The following GABRA3 variants were observed in gnomAD, a reference collection of about 807,000 sequenced individuals.
GABRA3 encodes the protein gamma-aminobutyric acid receptor subunit alpha-3.
In GABRA3, 10 loss-of-function variants were observed where a neutral mutation model predicts 30.1. The observed-to-expected ratio is 0.33, with a 90% CI of 0.20 to 0.56. The LOEUF is 0.56. Ranked by LOEUF, GABRA3 falls within the 20% of genes least tolerant of loss-of-function variation. The probability of loss-of-function intolerance (pLI) is 0.89; values close to 1 mark genes in which losing one functional copy is unlikely to be tolerated. For missense variants in GABRA3, 233 were observed against 392.0 expected (o/e 0.59, Z 3.42); for synonymous variants, 151 against 146.8 (o/e 1.03, Z -0.21).
intron 3 of GABRA3, among the ~76,000 whole-genome samples, chrX:152,318,817 C>G (rs765958147): frequency 1.2e-4 from 13 of 111,569 alleles, no homozygotes; most frequent in African/African-American, 3.9e-4. Context: ...GATTAAAACC[C>G]TCAGCAAAGT....
Position 152,190,160 on chromosome X carries a change from G to A in GABRA3, c.932-219C>T, listed in dbSNP as rs548550986. 1.5e-4 allele frequency among the ~76,000 whole-genome samples: 17 copies of A among 111,438 alleles called. No individual in the cohort carries two copies. In the South Asian group the frequency reaches 6.6e-3, roughly 43 times the overall value. On this transcript the variant is annotated intron_variant, in intron 8 of 9. Coordinates refer to ENST00000370314, the MANE Select transcript of GABRA3 (RefSeq NM_000808.4). ...TTGGCAGAAGACTATATAGGCATCT[G>A]CAATGGATTACATTTAATTGTTGTC...
At chrX:152,294,893 C>T (rs959881610) in intron 3 of GABRA3, among the ~76,000 whole-genome samples, 7 of 110,484 alleles carry the variant, frequency 6.3e-5, no homozygotes, top group South Asian at 3.9e-4. Context: ...GGTCTGTTGG[C>T]GTTTGCTCCA....
At chrX:152,257,092 TAGGC>T (rs2124415070) in intron 4 of GABRA3, among the ~76,000 whole-genome samples, 1 of 111,358 alleles carries the variant, frequency 9.0e-6, no homozygotes, top group Non-Finnish European at 1.9e-5. Context: ...TTAAAAAAAA[TAGGC>T]AGAAACAATA....
rs1377236386 is a variant in GABRA3 at position 152,270,405 on chromosome X, G to A, written c.330+14263C>T. Among the ~76,000 whole-genome samples, 4 of 111,842 alleles carry A rather than the reference G, an allele frequency of 3.6e-5. No homozygotes were observed. In the Admixed American group the frequency reaches 3.8e-4, roughly 11 times the overall value. On this transcript the variant is annotated intron_variant, in intron 4 of 9. Coordinates refer to ENST00000370314, the MANE Select transcript of GABRA3 (RefSeq NM_000808.4). ...AAACCTCTTTCCTTTATAAATTACA[G>A]TCTTAGGCAGTTCTTTATGGCAGTG...
At chrX:152,318,842 G>C in intron 3 of GABRA3, among the ~76,000 whole-genome samples, 1 of 111,580 alleles carries the variant, frequency 9.0e-6, no homozygotes, top group Middle Eastern at 4.6e-3. Flanking sequence ...ATACCTCAAT[G>C]TAATAAAAGC....
intron 3 of GABRA3, among the ~76,000 whole-genome samples, chrX:152,289,357 A>G (rs762816873): frequency 9.1e-6 from 1 of 109,522 alleles, no homozygotes; most frequent in African/African-American, 3.3e-5. Flanking sequence ...AAGAAAAAAA[A>G]ATATATATTT....
intron 3 of GABRA3, 29 bp from the exon 4 acceptor site, chrX:152,284,764 T>C (rs1483050486): frequency 1.5e-5 from 16 of 1,084,752 alleles, no homozygotes; most frequent in Non-Finnish European, 2.0e-5. Context: ...AAAAGCAGAA[T>C]GTCAGGAAAG....
intron 3 of GABRA3, among the ~76,000 whole-genome samples, chrX:152,288,829 A>G (rs1393238004): frequency 8.9e-6 from 1 of 112,128 alleles, no homozygotes; most frequent in African/African-American, 3.2e-5. Flanking sequence ...CTTTTTATAT[A>G]ATTGTTTACA....
At chrX:152,281,581 A>T (rs1160378140) in intron 4 of GABRA3, among the ~76,000 whole-genome samples, 1 of 111,086 alleles carries the variant, frequency 9.0e-6, no homozygotes, top group Non-Finnish European at 1.9e-5. Context: ...AACATCTACC[A>T]CTGTTTAGCT....
At chrX:152,386,451 G>GA (rs1929312956) in intron 1 of GABRA3, among the ~76,000 whole-genome samples, 1 of 110,251 alleles carries the variant, frequency 9.1e-6, no homozygotes, top group Admixed American at 9.8e-5. Flanking sequence ...AAATTTACAA[G>GA]AAAAAAACAA....
At chrX:152,443,388 C>G (rs921910283) in intron 1 of GABRA3, among the ~76,000 whole-genome samples, 12 of 112,053 alleles carry the variant, frequency 1.1e-4, no homozygotes, top group Non-Finnish European at 2.3e-4. Flanking sequence ...CAATCTTATA[C>G]AGTAGAGTGG....
intron 3 of GABRA3, among the ~76,000 whole-genome samples, chrX:152,303,361 G>C (rs1265822577): frequency 1.8e-5 from 2 of 111,998 alleles, no homozygotes; most frequent in African/African-American, 3.3e-5. Flanking sequence ...TTACACTGTT[G>C]TTGGGAGTGT....
chrX:152,263,767 T>C (rs1938773102), intron 4 of GABRA3, among the ~76,000 whole-genome samples: 1 of 111,474 alleles, frequency 9.0e-6, no homozygotes, highest in Non-Finnish European at 1.9e-5. Context: ...CAAAGAAGAC[T>C]ACTTCAAGAA....
intron 9 of GABRA3, among the ~76,000 whole-genome samples, chrX:152,174,972 G>A (rs748874860): frequency 5.1e-4 from 57 of 111,825 alleles, no homozygotes; most frequent in African/African-American, 1.8e-3. Flanking sequence ...TTTTGTCTAA[G>A]GTGTAAGGAA....
At chrX:152,419,002 G>A (rs1054111157) in intron 1 of GABRA3, among the ~76,000 whole-genome samples, 35 of 111,431 alleles carry the variant, frequency 3.1e-4, no homozygotes, top group Non-Finnish European at 4.1e-4. Context: ...GCACATGGAT[G>A]AAGCTGGAAA....
chrX:152,280,545 G>T (rs191486902), intron 4 of GABRA3, among the ~76,000 whole-genome samples: 1 of 111,340 alleles, frequency 9.0e-6, no homozygotes, highest in Non-Finnish European at 1.9e-5. Flanking sequence ...TGGATACTAG[G>T]ATAATGGCAT....
At chrX:152,275,947 C>A (rs1939076551) in intron 4 of GABRA3, among the ~76,000 whole-genome samples, 1 of 109,383 alleles carries the variant, frequency 9.1e-6, no homozygotes, top group South Asian at 3.9e-4. Flanking sequence ...AAAAGGAATA[C>A]CTCCCTGTAA....
At chrX:152,448,791 C>T (rs767907618) in intron 1 of GABRA3, among the ~76,000 whole-genome samples, 40 of 111,338 alleles carry the variant, frequency 3.6e-4, no homozygotes, top group African/African-American at 1.1e-3. Context: ...TCTTCCCACA[C>T]GCCTATTGTC....
chrX:152,369,624 T>G (rs1386877581), intron 1 of GABRA3, among the ~76,000 whole-genome samples: 1 of 111,373 alleles, frequency 9.0e-6, no homozygotes, highest in East Asian at 2.8e-4. Context: ...TATTAAAATA[T>G]CATCTTTTCA....
Sources: allele counts gnomAD v4.1 joint callset (sites outside exome capture counted in the v4.1 genomes callset), GRCh38; gene constraint gnomAD v4.1.1; transcripts MANE v1.5; gene names NCBI Gene and HGNC (gene_info 2026-07-23, HGNC 2026-07-21).